PCSK5: variants seen among roughly 807,000 people sequenced by gnomAD.
PCSK5 encodes the protein proprotein convertase subtilisin/kexin type 5.
PCSK5 carries 129 observed loss-of-function variants against 233.2 expected under a neutral mutation model. That is an observed-to-expected ratio of 0.55 (90% CI 0.48 to 0.64). PCSK5 has a LOEUF of 0.64. Among genes scored for constraint, PCSK5 ranks in the 30% least tolerant of loss-of-function variants. The pLI, the probability that PCSK5 is intolerant of heterozygous loss-of-function variation, is 0.00. For synonymous variants in PCSK5, 825 were observed against 879.2 expected (o/e 0.94, Z 1.09); for missense variants, 2,076 against 2,430.1 (o/e 0.85, Z 3.06).
intron 3 of PCSK5, among the ~76,000 whole-genome samples, chr9:76,023,153 A>T (rs959262772): frequency 6.6e-6 from 1 of 152,212 alleles, no homozygotes; most frequent in African/African-American, 2.4e-5. Flanking sequence ...CAATAAAATG[A>T]TACATCCATT....
rs1307148161 is a variant in PCSK5 at position 76,258,568 on chromosome 9, T to C, written c.3142+17884T>C. ...CTTCAACTTAGAAATCTTACATGAA[T>C]TGAAACAAGTGAATTAGGGAGACCT... On this transcript the variant is annotated intron_variant, in intron 24 of 37. Transcript: ENST00000674117. Among the ~76,000 whole-genome samples, 6 of 152,332 alleles carry C rather than the reference T, an allele frequency of 3.9e-5. No homozygotes were observed. The South Asian group carries it at 8.3e-4, about 21-fold the overall frequency.
intron 15 of PCSK5, among the ~76,000 whole-genome samples, chr9:76,179,917 A>G (rs566590617): frequency 5.5e-4 from 83 of 152,068 alleles, no homozygotes; most frequent in African/African-American, 2.0e-3. Context: ...CAAAATGTGC[A>G]TGTATGCTGT....
At chr9:75,940,262 T>G (rs1230313689) in intron 2 of PCSK5, among the ~76,000 whole-genome samples, 2 of 152,230 alleles carry the variant, frequency 1.3e-5, no homozygotes, top group African/African-American at 4.8e-5. Context: ...TTCTATACAC[T>G]CTTAAATCCA....
intron 5 of PCSK5, among the ~76,000 whole-genome samples, chr9:76,047,537 A>G (rs1351926012): frequency 6.6e-6 from 1 of 152,164 alleles, no homozygotes; most frequent in Non-Finnish European, 1.5e-5. Context: ...CACAGAATAT[A>G]CATTAGAGGT....
chr9:76,143,033 G>A (rs1240614506), intron 10 of PCSK5, among the ~76,000 whole-genome samples: 1 of 152,200 alleles, frequency 6.6e-6, no homozygotes, highest in Non-Finnish European at 1.5e-5. Context: ...TTATATTAAT[G>A]TCATACACCT....
intron 33 of PCSK5, among the ~76,000 whole-genome samples, chr9:76,331,672 A>T (rs1829540549): frequency 1.3e-5 from 2 of 151,616 alleles, no homozygotes. Flanking sequence ...ATCTCAAAAA[A>T]AAAAAAAAAG....
intron 2 of PCSK5, among the ~76,000 whole-genome samples, chr9:75,938,148 C>G (rs1322546859): frequency 6.6e-6 from 1 of 152,182 alleles, no homozygotes; most frequent in Admixed American, 6.5e-5. Flanking sequence ...TTCGACATGT[C>G]TTTCTTACCA....
At chr9:76,267,196 C>T (rs73462430) in intron 24 of PCSK5, among the ~76,000 whole-genome samples, 66 of 152,262 alleles carry the variant, frequency 4.3e-4, no homozygotes, top group African/African-American at 1.4e-3. Flanking sequence ...TCTCAGTAAA[C>T]CCTGCAAACT....
At chr9:76,108,770 A>T (rs1028966492) in intron 9 of PCSK5, among the ~76,000 whole-genome samples, 24 of 152,236 alleles carry the variant, frequency 1.6e-4, no homozygotes, top group African/African-American at 5.8e-4. Flanking sequence ...GAAAAGAATC[A>T]TGCTAGTTCA....
chr9:75,982,801 A>G (rs1826336447), intron 2 of PCSK5, among the ~76,000 whole-genome samples: 1 of 150,436 alleles, frequency 6.6e-6, no homozygotes. Flanking sequence ...ATGTAGTTAA[A>G]TTAGTCAAAG....
At chr9:76,111,319 C>T (rs1237783566) in intron 9 of PCSK5, among the ~76,000 whole-genome samples, 12 of 152,054 alleles carry the variant, frequency 7.9e-5, no homozygotes, top group Non-Finnish European at 1.8e-4. Context: ...TCTCCTTTAC[C>T]TTTTTTTCCT....
At chr9:75,936,068 G>C (rs1824042410) in intron 2 of PCSK5, among the ~76,000 whole-genome samples, 1 of 152,138 alleles carries the variant, frequency 6.6e-6, no homozygotes, top group Admixed American at 6.5e-5. Context: ...CTATCCTGTA[G>C]TCTATTAAGT....
At chr9:75,937,415 G>GTCT (rs1401881138) in intron 2 of PCSK5, among the ~76,000 whole-genome samples, 1 of 152,100 alleles carries the variant, frequency 6.6e-6, no homozygotes, top group Non-Finnish European at 1.5e-5. Context: ...CTGACCTCAG[G>GTCT]TGATCCTCCT....
intron 2 of PCSK5, among the ~76,000 whole-genome samples, chr9:75,943,758 C>T (rs987842158): frequency 1.4e-4 from 21 of 152,128 alleles, no homozygotes; most frequent in African/African-American, 4.8e-4. Context: ...TAATGAACTG[C>T]GCATGTAAGA....
At position 76,026,999 on chromosome 9, in the gene PCSK5, G is replaced by A; in HGVS notation, c.594G>A (p.Leu198=). 1 of 1,609,518 alleles carries A rather than the reference G, an allele frequency of 6.2e-7. No homozygotes were observed. The highest frequency in any genetic ancestry group is 8.5e-7 in the Non-Finnish European group (1 of 1,177,592). Residue 198 remains leucine, a synonymous_variant, in exon 5 of 38, where the codon TTG becomes TTA. Coordinates refer to ENST00000674117, the MANE Select transcript of PCSK5 (RefSeq NM_001372043.1). ...LASCDVNGND[L]DPMPRYDASN... ...GTTGCGACGTGAATGGGAATGACTT[G>A]GACCCAATGCCTCGTTATGATGCAA... is the stretch of plus-strand genomic sequence containing the variant.
At chr9:76,063,006 T>C (rs1026728003) in intron 5 of PCSK5, among the ~76,000 whole-genome samples, 12 of 152,234 alleles carry the variant, frequency 7.9e-5, no homozygotes, top group Non-Finnish European at 1.6e-4. Flanking sequence ...ACATTCATGA[T>C]CAGCTTTTTC....
intron 1 of PCSK5, among the ~76,000 whole-genome samples, chr9:75,908,875 T>TATCTATC (rs1822537064): frequency 1.6e-4 from 18 of 116,102 alleles, no homozygotes; most frequent in East Asian, 4.9e-4. Context: ...CTCTTTCTAT[T>TATCTATC]TATCTATCTA....
chr9:76,296,505 T>C (rs2131414920), intron 26 of PCSK5, among the ~76,000 whole-genome samples, 160 bp from the exon 27 acceptor site: 1 of 152,302 alleles, frequency 6.6e-6, no homozygotes, highest in Admixed American at 6.5e-5. Context: ...ATCATGCCAC[T>C]GCACTTTAGC....
At chr9:76,122,825 TTC>T (rs1491027370) in intron 9 of PCSK5, among the ~76,000 whole-genome samples, 108 of 119,554 alleles carry the variant, frequency 9.0e-4, no homozygotes, top group Middle Eastern at 3.9e-3. Flanking sequence ...TCTTTTTTTT[TTC>T]TTTTTTTTTT....
Sources: gnomAD v4.1 joint callset for allele counts (sites outside exome capture counted in the v4.1 genomes callset) on GRCh38, gnomAD v4.1.1 for gene constraint, MANE v1.5 for transcripts, NCBI Gene and HGNC (gene_info 2026-07-23, HGNC 2026-07-21) for gene names.